Variants in CFAP95 observed in about 807,000 individuals in gnomAD.
The protein encoded by CFAP95 is cilia- and flagella-associated protein 95.
the CFAP95 span, among the ~76,000 whole-genome samples, chr9:69,838,169 G>T: frequency 4.6e-5 from 7 of 152,186 alleles, no homozygotes; most frequent in African/African-American, 9.7e-5. Flanking sequence ...GTAGCGTGAT[G>T]CCTCCAGCTT....
chr9:69,830,526 C>T, the CFAP95 span, among the ~76,000 whole-genome samples: 1 of 152,186 alleles, frequency 6.6e-6, no homozygotes, highest in Non-Finnish European at 1.5e-5. Flanking sequence ...CTTGTATCTA[C>T]TCAATGCAAT....
At chr9:69,841,164 T>TTATACATATATATATATATATATA in the CFAP95 span, among the ~76,000 whole-genome samples, 2 of 56,078 alleles carry the variant, frequency 3.6e-5, no homozygotes, top group Non-Finnish European at 7.2e-5. Flanking sequence ...CCAAGCTGGA[T>TTATACATATATATATATATATATA]TATATATATA....
chr9:69,836,982 T>C, the CFAP95 span, among the ~76,000 whole-genome samples: 1 of 151,046 alleles, frequency 6.6e-6, no homozygotes, highest in African/African-American at 2.4e-5. Context: ...TATGCGGTGT[T>C]TGGTTTTCTG....
chr9:69,855,869 T>C, the CFAP95 span, among the ~76,000 whole-genome samples: 2 of 152,202 alleles, frequency 1.3e-5, no homozygotes, highest in Non-Finnish European at 1.5e-5. Flanking sequence ...TATTAATGTG[T>C]TCTGAGGCTT....
At chr9:69,879,455 T>G in the CFAP95 span, among the ~76,000 whole-genome samples, 1 of 152,140 alleles carries the variant, frequency 6.6e-6, no homozygotes, top group Admixed American at 6.5e-5. Flanking sequence ...TCACAGGGCC[T>G]GAATCATGCA....
the CFAP95 span, among the ~76,000 whole-genome samples, chr9:69,879,876 GTT>G: frequency 5.3e-5 from 8 of 151,244 alleles, no homozygotes; most frequent in South Asian, 2.1e-4. Context: ...GTAACTTTTT[GTT>G]TTTTTTTTAA....
the CFAP95 span, among the ~76,000 whole-genome samples, chr9:69,901,077 T>C: frequency 3.3e-5 from 5 of 151,950 alleles, no homozygotes; most frequent in African/African-American, 9.7e-5. Context: ...CCAAGTGTTC[T>C]TATTGTTCAA....
the CFAP95 span, chr9:69,902,512 A>G: frequency 3.5e-6 from 1 of 288,684 alleles, no homozygotes; most frequent in South Asian, 3.1e-5. Context: ...GGTTATATAC[A>G]TGGAAAGAGG....
the CFAP95 span, among the ~76,000 whole-genome samples, chr9:69,847,062 T>C: frequency 6.6e-6 from 1 of 152,006 alleles, no homozygotes; most frequent in Non-Finnish European, 1.5e-5. Context: ...AAAACCTAAA[T>C]GTGAGAGGTC....
the CFAP95 span, among the ~76,000 whole-genome samples, chr9:69,852,739 T>C: frequency 1.3e-5 from 2 of 152,202 alleles, no homozygotes; most frequent in African/African-American, 4.8e-5. Context: ...AAATCTCATC[T>C]TGTAGCTCCT....
At chr9:69,868,814 A>G in the CFAP95 span, among the ~76,000 whole-genome samples, 1 of 152,050 alleles carries the variant, frequency 6.6e-6, no homozygotes, top group Admixed American at 6.5e-5. Context: ...AGAAAAAAAA[A>G]AAAAGCCTGA....
At chr9:69,892,669 C>T in the CFAP95 span, among the ~76,000 whole-genome samples, 2 of 152,172 alleles carry the variant, frequency 1.3e-5, no homozygotes, top group African/African-American at 2.4e-5. Flanking sequence ...TCCAAAGCCA[C>T]CCTGGCCCGC....
the CFAP95 span, chr9:69,906,182 T>A: frequency 1.5e-5 from 21 of 1,428,476 alleles, no homozygotes; most frequent in African/African-American, 3.0e-4. Context: ...AAAATGGATG[T>A]AGCAGTTGAT....
the CFAP95 span, among the ~76,000 whole-genome samples, chr9:69,831,021 C>T: frequency 1.3e-5 from 2 of 152,174 alleles, no homozygotes; most frequent in African/African-American, 4.8e-5. Flanking sequence ...ATTTGAAATA[C>T]AATTATGTTT....
the CFAP95 span, among the ~76,000 whole-genome samples, chr9:69,871,574 T>TA: frequency 0.011 from 1,466 of 131,858 alleles, 15 homozygotes; most frequent in African/African-American, 0.033. Flanking sequence ...TTAGATCTAG[T>TA]AAAAAAAAAA....
At chr9:69,886,893 C>G in the CFAP95 span, 1 of 1,610,834 alleles carries the variant, frequency 6.2e-7, no homozygotes, top group Non-Finnish European at 8.5e-7. Flanking sequence ...TTATCAGCCA[C>G]ATGTGAGTAC....
chr9:69,900,789 G>A, the CFAP95 span, among the ~76,000 whole-genome samples: 2 of 152,194 alleles, frequency 1.3e-5, no homozygotes, highest in African/African-American at 4.8e-5. Context: ...GTCTGACCAT[G>A]CTAGTGAAAG....
the CFAP95 span, among the ~76,000 whole-genome samples, chr9:69,885,285 C>A: frequency 1.2e-3 from 161 of 131,324 alleles, no homozygotes; most frequent in African/African-American, 3.8e-3. Flanking sequence ...GCCATCCAGT[C>A]CCATAATATT....
At chr9:69,825,056 A>G in the CFAP95 span, among the ~76,000 whole-genome samples, 1 of 152,204 alleles carries the variant, frequency 6.6e-6, no homozygotes, top group African/African-American at 2.4e-5. Context: ...GAATGATGTC[A>G]TTGACTTATT....
Sources: allele counts gnomAD v4.1 joint callset (sites outside exome capture counted in the v4.1 genomes callset), GRCh38; gene constraint gnomAD v4.1.1; transcripts MANE v1.5; gene names NCBI Gene and HGNC (gene_info 2026-07-23, HGNC 2026-07-21).